The following TDRD7 variants were observed in gnomAD, a reference collection of about 807,000 sequenced individuals.
The protein encoded by TDRD7 is tudor domain containing 7.
A neutral mutation model predicts 109.8 loss-of-function variants in TDRD7; 47 were observed. The ratio of observed to expected loss-of-function variants is 0.43; its 90% confidence interval spans 0.34 to 0.55. The LOEUF (loss-of-function observed/expected upper bound fraction) is 0.55, where lower values mean the gene tolerates loss of function less well. Ranked by LOEUF, TDRD7 falls within the 20% of genes least tolerant of loss-of-function variation. TDRD7 has a pLI of 0.03. For missense variants in TDRD7, 1,164 were observed against 1,319.2 expected (o/e 0.88, Z 1.82); for synonymous variants, 424 against 457.3 (o/e 0.93, Z 0.93).
intron 4 of TDRD7, among the ~76,000 whole-genome samples, chr9:97,438,338 T>G (rs910587855): frequency 1.3e-5 from 2 of 152,218 alleles, no homozygotes; most frequent in African/African-American, 4.8e-5. Context: ...ATTGATCTAA[T>G]TTTTAGACTG....
At chr9:97,425,639 G>A (rs1827978818) in intron 1 of TDRD7, among the ~76,000 whole-genome samples, 1 of 152,062 alleles carries the variant, frequency 6.6e-6, no homozygotes. Context: ...ACACACATCT[G>A]TGAAAAGAAT....
At chr9:97,476,226 G>A (rs1408382315) in intron 12 of TDRD7, among the ~76,000 whole-genome samples, 3 of 152,102 alleles carry the variant, frequency 2.0e-5, no homozygotes, top group Admixed American at 6.6e-5. Context: ...CCTCCTGCCT[G>A]GATCTAAGGC....
At chr9:97,473,655 A>G (rs765577613) in intron 11 of TDRD7, 29 bp downstream of exon 11, 2 of 1,612,970 alleles carry the variant, frequency 1.2e-6, no homozygotes, top group African/African-American at 2.7e-5. Context: ...TACCTCTAAA[A>G]TTAGCCCTAA....
chr9:97,414,575 C>T (rs949889407), intron 1 of TDRD7, among the ~76,000 whole-genome samples: 3 of 152,202 alleles, frequency 2.0e-5, no homozygotes, highest in Non-Finnish European at 4.4e-5. Context: ...TACTAAGCCA[C>T]TTTATTATCT....
At chr9:97,464,180 C>G (rs555254025) in intron 7 of TDRD7, among the ~76,000 whole-genome samples, 31 of 152,328 alleles carry the variant, frequency 2.0e-4, no homozygotes, top group African/African-American at 7.2e-4. Flanking sequence ...CCATTTTCCA[C>G]GTCTCCTCCT....
intron 6 of TDRD7, among the ~76,000 whole-genome samples, chr9:97,446,562 T>C (rs1255877605): frequency 6.6e-6 from 1 of 152,218 alleles, no homozygotes; most frequent in Non-Finnish European, 1.5e-5. Flanking sequence ...ATTTTCCTAT[T>C]CATTAGAAAT....
At chr9:97,443,216 G>C (rs1264426964) in intron 6 of TDRD7, among the ~76,000 whole-genome samples, 1 of 152,122 alleles carries the variant, frequency 6.6e-6, no homozygotes, top group African/African-American at 2.4e-5. Flanking sequence ...CTGTGCACTT[G>C]CATGTGCTAA....
Position 97,428,631 on chromosome 9 carries a change from G to A in TDRD7, c.166G>A (p.Val56Met). The A allele has an allele frequency of 6.2e-7, 1 of 1,613,936 alleles. No individual in the cohort carries two copies. The highest frequency in any genetic ancestry group is 8.5e-7 in the Non-Finnish European group (1 of 1,179,930). Residue 56 changes from valine (V) to methionine (M), a missense_variant, in exon 2 of 17, where the codon GTG (valine) becomes ATG (methionine). Val to Met is a conservative substitution (Grantham distance 21). Transcript: ENST00000355295. ...TACACTAGAAGCCTATCTGAGAAGT[G>A]TGCCAGCAGTGGTCAGGATAGAGAC... ...FPTLEAYLRS[V>M]PAVVRIETSR...
chr9:97,417,482 C>T (rs1373790016), intron 1 of TDRD7, among the ~76,000 whole-genome samples: 1 of 152,158 alleles, frequency 6.6e-6, no homozygotes, highest in Non-Finnish European at 1.5e-5. Context: ...GTTGCTGACA[C>T]GGACTAGGAC....
intron 14 of TDRD7, among the ~76,000 whole-genome samples, chr9:97,481,727 C>G (rs1829120107): frequency 6.6e-6 from 1 of 152,178 alleles, no homozygotes; most frequent in South Asian, 2.1e-4. Context: ...TTCTCAGCTA[C>G]TCTTTAAGCT....
chr9:97,416,195 A>G (rs1457825309), intron 1 of TDRD7, among the ~76,000 whole-genome samples: 1 of 152,224 alleles, frequency 6.6e-6, no homozygotes, highest in Non-Finnish European at 1.5e-5. Context: ...ATAGAGAGTT[A>G]TAGTCCTCCA....
At chr9:97,485,639 T>C (rs982021442) in intron 15 of TDRD7, among the ~76,000 whole-genome samples, 3 of 152,228 alleles carry the variant, frequency 2.0e-5, no homozygotes, top group Non-Finnish European at 2.9e-5. Flanking sequence ...GAAGTTCTTA[T>C]TTATAGTAGC....
chr9:97,468,622 T>C (rs1292489571), intron 8 of TDRD7, among the ~76,000 whole-genome samples: 1 of 152,234 alleles, frequency 6.6e-6, no homozygotes, highest in Non-Finnish European at 1.5e-5. Flanking sequence ...TGGTGGTAAG[T>C]ACTGATTCCT....
intron 15 of TDRD7, among the ~76,000 whole-genome samples, chr9:97,484,198 G>T (rs1320187994): frequency 2.0e-5 from 3 of 152,178 alleles, no homozygotes; most frequent in African/African-American, 7.2e-5. Flanking sequence ...CCTTGGGGCT[G>T]TGAGAACATA....
At chr9:97,478,899 T>C (rs1273554410) in intron 13 of TDRD7, among the ~76,000 whole-genome samples, 1 of 152,184 alleles carries the variant, frequency 6.6e-6, no homozygotes, top group Non-Finnish European at 1.5e-5. Context: ...GTATAAATGT[T>C]TATTTTTAGA....
rs1212344612 is a variant in TDRD7 at position 97,429,144 on chromosome 9, C to G, written c.207+472C>G. Among the ~76,000 whole-genome samples, 3 of 152,282 alleles carry G rather than the reference C, an allele frequency of 2.0e-5. No individual in the cohort carries two copies. In the East Asian group the frequency reaches 5.8e-4, roughly 29 times the overall value. The stretch of plus-strand genomic sequence containing the variant: ...CACTTTTCATAACTACCGGGGCCTC[C>G]TTGCTGTTGTGTCTTCTCTTCTGTT... On this transcript the variant is annotated intron_variant, in intron 2 of 16. Transcript: ENST00000355295.
intron 6 of TDRD7, among the ~76,000 whole-genome samples, chr9:97,446,332 G>C (rs1378733984): frequency 1.3e-5 from 2 of 152,202 alleles, no homozygotes. Context: ...ATTTCTGTCA[G>C]TAGCCCCAAG....
At position 97,442,497 on chromosome 9, in the gene TDRD7, T is replaced by G. The variant is rs1425255962; in HGVS notation, c.855+622T>G. The stretch of plus-strand genomic sequence containing the variant: ...AAGATTATGGATCAGCATAGTTTAT[T>G]AAAGATCTTAGTTCAGCCAGAAGTA... On this transcript the variant is annotated intron_variant, in intron 6 of 16. Transcript: ENST00000355295. Among the ~76,000 whole-genome samples, 4 of 152,230 alleles carry G rather than the reference T, an allele frequency of 2.6e-5. No individual in the cohort carries two copies. In the East Asian group the frequency reaches 7.7e-4, roughly 29 times the overall value.
chr9:97,454,819 A>G (rs1828574441), intron 6 of TDRD7, among the ~76,000 whole-genome samples: 2 of 152,182 alleles, frequency 1.3e-5, no homozygotes, highest in Admixed American at 1.3e-4. Context: ...GAAGACAAGA[A>G]ATAACTAAGA....
Sources: allele counts gnomAD v4.1 joint callset (sites outside exome capture counted in the v4.1 genomes callset), GRCh38; gene constraint gnomAD v4.1.1; transcripts MANE v1.5; gene names NCBI Gene and HGNC (gene_info 2026-07-23, HGNC 2026-07-21).